The following SLC4A1AP variants were observed in gnomAD, a reference collection of about 807,000 sequenced individuals.
SLC4A1AP encodes solute carrier family 4 member 1 adaptor protein.
A neutral mutation model predicts 89.7 loss-of-function variants in SLC4A1AP; 64 were observed. That is an observed-to-expected ratio of 0.71 (90% confidence interval 0.58 to 0.88). The LOEUF is 0.88. Ranked by LOEUF, SLC4A1AP falls within the 40% of genes least tolerant of loss-of-function variation. SLC4A1AP has a pLI of 0.00. For missense variants in SLC4A1AP, 931 were observed against 965.0 expected, an observed-to-expected ratio of 0.96 and a Z score of 0.47; for synonymous variants, 366 against 353.3, an observed-to-expected ratio of 1.04 and a Z score of -0.40.
At position 27,684,316 on chromosome 2, in the gene SLC4A1AP, T is replaced by G. The variant is rs974566304; in HGVS notation, c.1876-721T>G. On this transcript the variant is annotated intron_variant, in intron 9 of 13. Coordinates refer to ENST00000613058, the Ensembl canonical transcript of SLC4A1AP. Reference sequence around the variant, plus strand: ...TGGCCTGCGCACCTATAACCCCAGCTACTCAGGAGGCTGAGGCAGGAGAAT... The same window carrying G: ...TGGCCTGCGCACCTATAACCCCAGCGACTCAGGAGGCTGAGGCAGGAGAAT... Among the ~76,000 whole-genome samples the G allele has an allele frequency of 3.3e-5, 5 of 151,210 alleles. No homozygotes were observed. In the East Asian group the frequency reaches 9.8e-4, roughly 30 times the overall value.
At chr2:27,684,051 C>T (rs115778901) in intron 9 of SLC4A1AP, among the ~76,000 whole-genome samples, 2,144 of 152,146 alleles carry the variant, frequency 0.014, 25 homozygotes, top group Middle Eastern at 0.027. Flanking sequence ...CAATCTGTTG[C>T]GGTGGGGACT....
At chr2:27,664,893 C>T (rs1675282285) in intron 1 of SLC4A1AP, among the ~76,000 whole-genome samples, 1 of 150,522 alleles carries the variant, frequency 6.6e-6, no homozygotes, top group African/African-American at 2.5e-5. Context: ...CATGGCAAGA[C>T]CCTGTCTCTT....
intron 2 of SLC4A1AP, among the ~76,000 whole-genome samples, chr2:27,666,673 T>C (rs1675332406): frequency 6.6e-6 from 1 of 151,654 alleles, no homozygotes; most frequent in Non-Finnish European, 1.5e-5. Flanking sequence ...TTTTCCACAA[T>C]GTGGTAGGTA....
At chr2:27,666,114 T>C (rs1360818692) in intron 2 of SLC4A1AP, among the ~76,000 whole-genome samples, 1 of 152,156 alleles carries the variant, frequency 6.6e-6, no homozygotes, top group Non-Finnish European at 1.5e-5. Context: ...ATGTAAAATA[T>C]CTCTTTCATG....
intron 12 of SLC4A1AP, among the ~76,000 whole-genome samples, chr2:27,690,749 T>C (rs932825254): frequency 6.6e-6 from 1 of 152,194 alleles, no homozygotes; most frequent in Non-Finnish European, 1.5e-5. Flanking sequence ...CTGACTTTTA[T>C]TGAATGCTTT....
chr2:27,666,352 A>ACCACCCACCCCCCCC, intron 2 of SLC4A1AP, among the ~76,000 whole-genome samples: 1 of 3,420 alleles, frequency 2.9e-4, no homozygotes, highest in East Asian at 8.2e-3. Context: ...CTTGTGATCC[A>ACCACCCACCCCCCCC]CCCCCCACCC....
At chr2:27,679,811 T>C (rs1396813331) in intron 8 of SLC4A1AP, among the ~76,000 whole-genome samples, 1 of 152,172 alleles carries the variant, frequency 6.6e-6, no homozygotes, top group Admixed American at 6.5e-5. Context: ...GTTTATAATA[T>C]CTGTTTAGGT....
intron 8 of SLC4A1AP, among the ~76,000 whole-genome samples, chr2:27,680,845 A>C (rs1191159801): frequency 1.3e-5 from 2 of 152,050 alleles, no homozygotes; most frequent in Admixed American, 1.3e-4. Context: ...AATTAAAAAA[A>C]AAAAAAAACG....
At chr2:27,694,010 G>A (rs929744279) in intron 13 of SLC4A1AP, among the ~76,000 whole-genome samples, 1 of 152,148 alleles carries the variant, frequency 6.6e-6, no homozygotes, top group African/African-American at 2.4e-5. Context: ...ATGATGTTGA[G>A]TTATGTTTTT....
intron 8 of SLC4A1AP, among the ~76,000 whole-genome samples, chr2:27,680,513 C>T (rs1675602689): frequency 2.0e-5 from 3 of 151,886 alleles, no homozygotes; most frequent in Non-Finnish European, 2.9e-5. Flanking sequence ...TGGCTGGGGA[C>T]GGTGGCTCAC....
At position 27,685,800 on chromosome 2, in the gene SLC4A1AP, A is replaced by G. The variant is rs189621166; in HGVS notation, c.2116+523A>G. Among the ~76,000 whole-genome samples the G allele has an allele frequency of 3.8e-3, 576 of 152,314 alleles. 1 individual carries two copies. The highest frequency in any genetic ancestry group is 0.013 in the African/African-American group (556 of 41,558). Reference sequence around the variant, plus strand: ...ATCCACCCGCCTCAGCAAATATTTGATGAAAAATGTTGAAAGACGGAATAG... The same window carrying G: ...ATCCACCCGCCTCAGCAAATATTTGGTGAAAAATGTTGAAAGACGGAATAG... On this transcript the variant is annotated intron_variant, in intron 10 of 13. Coordinates refer to ENST00000613058, the Ensembl canonical transcript of SLC4A1AP.
intron 1 of SLC4A1AP, 124 bp downstream of exon 1, chr2:27,664,701 T>C: frequency 1.4e-6 from 1 of 731,274 alleles, no homozygotes; most frequent in Non-Finnish European, 2.3e-6. Flanking sequence ...GAATCAAGTC[T>C]GGCCTATCAT....
chr2:27,667,179 C>CT, intron 2 of SLC4A1AP, 89 bp from the exon 3 acceptor site: 3 of 1,418,704 alleles, frequency 2.1e-6, no homozygotes, highest in Non-Finnish European at 2.9e-6. Context: ...TAAACTATAT[C>CT]TTTATGCAGC....
chr2:27,664,343 C>T (rs1320902221), exon 1 of SLC4A1AP: 1 of 1,614,178 alleles, frequency 6.2e-7, no homozygotes, highest in Admixed American at 1.7e-5. Flanking sequence ...TGTCTGGCTG[C>T]GACGTGTGCC....
At chr2:27,694,528 A>G (rs1300813715) in intron 13 of SLC4A1AP, 106 bp from the exon 14 acceptor site, 2 of 720,940 alleles carry the variant, frequency 2.8e-6, no homozygotes, top group African/African-American at 3.7e-5. Flanking sequence ...CGTAGAATAA[A>G]CCTTTTTGTC....
chr2:27,685,944 GA>G (rs201429983), intron 10 of SLC4A1AP, among the ~76,000 whole-genome samples: 7 of 151,662 alleles, frequency 4.6e-5, no homozygotes, highest in African/African-American at 1.7e-4. Flanking sequence ...AAGTCCAAAG[GA>G]AAAAAAAGAA....
chr2:27,668,663 T>C, intron 3 of SLC4A1AP, 180 bp from the exon 4 acceptor site: 2 of 702,258 alleles, frequency 2.8e-6, no homozygotes, highest in South Asian at 1.5e-5. Context: ...TTGCACAGAC[T>C]GGTTTCGCGC....
chr2:27,688,562 G>T (rs1198191659), intron 11 of SLC4A1AP, 138 bp from the exon 12 acceptor site: 1 of 612,478 alleles, frequency 1.6e-6, no homozygotes, highest in African/African-American at 1.9e-5. Context: ...TTTTACAGCA[G>T]TAGAAGGAAT....
chr2:27,669,411 T>G (rs1675385562), intron 5 of SLC4A1AP, 24 bp downstream of exon 5: 1 of 1,453,946 alleles, frequency 6.9e-7, no homozygotes, highest in Non-Finnish European at 9.1e-7. Flanking sequence ...AGCCCTTTTT[T>G]TCTAGATTTA....
Sources: gnomAD v4.1 joint callset for allele counts (sites outside exome capture counted in the v4.1 genomes callset) on GRCh38, gnomAD v4.1.1 for gene constraint, MANE v1.5 for transcripts, NCBI Gene and HGNC (gene_info 2026-07-23, HGNC 2026-07-21) for gene names.